Variants in CNTN3 observed in about 807,000 individuals in gnomAD.
CNTN3 encodes contactin 3.
In CNTN3, 60 loss-of-function variants were observed where a neutral mutation model predicts 119.1. That is an observed-to-expected ratio of 0.50 (90% CI 0.41 to 0.62). The LOEUF is 0.62. Ranked by LOEUF, CNTN3 falls within the 20% of genes least tolerant of loss-of-function variation. The pLI, the probability that CNTN3 is intolerant of heterozygous loss-of-function variation, is 0.00. For missense variants in CNTN3, 1,101 were observed against 1,242.4 expected (o/e 0.89, Z 1.71); for synonymous variants, 450 against 438.7 (o/e 1.03, Z -0.32).
chr3:74,286,180 G>A (rs1328452858), intron 19 of CNTN3, among the ~76,000 whole-genome samples: 3 of 152,012 alleles, frequency 2.0e-5, no homozygotes, highest in East Asian at 3.9e-4. Context: ...GTGAACGTAA[G>A]GTTGACAGAA....
chr3:74,392,278 C>T (rs1163388825), intron 5 of CNTN3, among the ~76,000 whole-genome samples: 1 of 152,154 alleles, frequency 6.6e-6, no homozygotes, highest in Non-Finnish European at 1.5e-5. Flanking sequence ...TAAATTAGAG[C>T]TGACAAGACA....
intron 1 of CNTN3, among the ~76,000 whole-genome samples, chr3:74,560,996 G>T (rs572215800): frequency 5.1e-5 from 7 of 136,852 alleles, no homozygotes; most frequent in Admixed American, 1.6e-4. Flanking sequence ...TGGACACAGG[G>T]TGGGGAACAT....
At chr3:74,389,548 A>C (rs1446910268) in intron 5 of CNTN3, among the ~76,000 whole-genome samples, 1 of 152,184 alleles carries the variant, frequency 6.6e-6, no homozygotes, top group African/African-American at 2.4e-5. Context: ...GTAATAGCTA[A>C]TACTTCATGA....
intron 11 of CNTN3, among the ~76,000 whole-genome samples, chr3:74,359,563 A>C (rs1704030800): frequency 6.6e-6 from 1 of 152,094 alleles, no homozygotes; most frequent in African/African-American, 2.4e-5. Flanking sequence ...TTAAGTATAG[A>C]TTAAAGTATT....
chr3:74,580,296 G>A (rs147387759), intron 1 of CNTN3, among the ~76,000 whole-genome samples: 9 of 152,242 alleles, frequency 5.9e-5, no homozygotes, highest in African/African-American at 1.9e-4. Flanking sequence ...GACCTTAGTC[G>A]TGAATTCCAA....
chr3:74,461,956 G>C (rs1218468805), intron 4 of CNTN3, among the ~76,000 whole-genome samples: 1 of 152,080 alleles, frequency 6.6e-6, no homozygotes, highest in Admixed American at 6.6e-5. Context: ...ATCTCATGTT[G>C]ACTTGTAATG....
intron 1 of CNTN3, among the ~76,000 whole-genome samples, chr3:74,568,627 T>G (rs1221434203): frequency 6.6e-6 from 1 of 152,172 alleles, no homozygotes; most frequent in African/African-American, 2.4e-5. Flanking sequence ...CATCTCTGCC[T>G]ATAAGTGGTA....
intron 1 of CNTN3, among the ~76,000 whole-genome samples, chr3:74,562,907 G>C (rs1295760066): frequency 2.6e-5 from 4 of 152,134 alleles, no homozygotes; most frequent in Admixed American, 6.6e-5. Context: ...ACCCCACAGT[G>C]AGCTAGTATT....
intron 2 of CNTN3, among the ~76,000 whole-genome samples, chr3:74,505,285 C>T (rs1255536644): frequency 2.0e-5 from 3 of 151,928 alleles, no homozygotes; most frequent in Non-Finnish European, 4.4e-5. Flanking sequence ...ATGGGTTAAC[C>T]TGCTAAGAAC....
chr3:74,550,658 C>G (rs527739209), intron 1 of CNTN3, among the ~76,000 whole-genome samples: 1 of 152,296 alleles, frequency 6.6e-6, no homozygotes, highest in East Asian at 1.9e-4. Context: ...TCTGTCTCAG[C>G]CTCCCAAGTA....
chr3:74,317,119 T>C (rs372524975), intron 13 of CNTN3, among the ~76,000 whole-genome samples: 1 of 149,088 alleles, frequency 6.7e-6, no homozygotes, highest in African/African-American at 2.5e-5. Context: ...TTGATCTTTG[T>C]TGGTTTAAAG....
chr3:74,322,409 C>T (rs1703018011), intron 13 of CNTN3, among the ~76,000 whole-genome samples: 1 of 152,070 alleles, frequency 6.6e-6, no homozygotes, highest in African/African-American at 2.4e-5. Context: ...TGTTCAACAT[C>T]ATATTTCACT....
intron 11 of CNTN3, among the ~76,000 whole-genome samples, chr3:74,358,626 G>T (rs7637719): frequency 4.9e-5 from 7 of 141,562 alleles, no homozygotes; most frequent in South Asian, 2.2e-4. Context: ...TATTTTTATT[G>T]TACTTTAAGT....
rs1559678325 is a variant in CNTN3 at position 74,610,369 on chromosome 3, ACACGTGTGTGC to A, written c.-81+4011_-81+4021del. ...AAACCCTGTGAGTTTGTGTGTGTGC[ACACGTGTGTGC>A]GTATGTGTGTTTAGGCGTTAGGGCT... On this transcript the variant is annotated intron_variant, in intron 1 of 22. Transcript: ENST00000263665. 1.3e-4 allele frequency among the ~76,000 whole-genome samples: 20 copies of A among 151,760 alleles called. No homozygotes were observed. In the South Asian group the frequency reaches 4.2e-3, roughly 32 times the overall value.
At chr3:74,299,817 A>T in intron 17 of CNTN3, 51 bp downstream of exon 17, 1 of 1,481,984 alleles carries the variant, frequency 6.7e-7, no homozygotes, top group Non-Finnish European at 9.3e-7. Flanking sequence ...AGCCATAATG[A>T]TCATGGGAAC....
intron 2 of CNTN3, among the ~76,000 whole-genome samples, chr3:74,509,495 G>A (rs966987942): frequency 1.5e-4 from 23 of 151,852 alleles, no homozygotes; most frequent in Non-Finnish European, 2.1e-4. Flanking sequence ...ACGGGGTTTC[G>A]CCATGTTGGC....
At chr3:74,465,313 G>A (rs1320446434) in intron 4 of CNTN3, among the ~76,000 whole-genome samples, 1 of 152,098 alleles carries the variant, frequency 6.6e-6, no homozygotes, top group African/African-American at 2.4e-5. Context: ...ACAGGTAGAA[G>A]CAACAACAAC....
At chr3:74,565,246 C>T (rs1354712399) in intron 1 of CNTN3, among the ~76,000 whole-genome samples, 1 of 152,168 alleles carries the variant, frequency 6.6e-6, no homozygotes, top group Non-Finnish European at 1.5e-5. Flanking sequence ...AGTAGAGCCA[C>T]TCTTCTCCTG....
chr3:74,391,566 T>C (rs1575681216), intron 5 of CNTN3, among the ~76,000 whole-genome samples: 5 of 91,716 alleles, frequency 5.5e-5, no homozygotes, highest in East Asian at 3.1e-4. Context: ...TCTTTTTTTT[T>C]TTTTTTTTTT....
Sources: allele counts gnomAD v4.1 joint callset (sites outside exome capture counted in the v4.1 genomes callset), GRCh38; gene constraint gnomAD v4.1.1; transcripts MANE v1.5; gene names NCBI Gene and HGNC (gene_info 2026-07-23, HGNC 2026-07-21).